Variants in FAM222B observed in about 807,000 individuals in gnomAD.
FAM222B encodes protein FAM222B.
A neutral mutation model predicts 38.0 loss-of-function variants in FAM222B; 12 were observed. The observed-to-expected ratio is 0.32, with a 90% CI of 0.20 to 0.51. The LOEUF is 0.51. Ranked by LOEUF, FAM222B falls within the 20% of genes least tolerant of loss-of-function variation. FAM222B has a pLI of 0.97. For synonymous variants in FAM222B, 329 were observed against 317.2 expected (o/e 1.04, Z -0.40); for missense variants, 716 against 754.2 (o/e 0.95, Z 0.59).
chr17:28,826,918 A>G (rs965766345), intron 1 of FAM222B, among the ~76,000 whole-genome samples: 2 of 152,120 alleles, frequency 1.3e-5, no homozygotes, highest in African/African-American at 4.8e-5. Flanking sequence ...AGGTGGGAAG[A>G]TCACTTGAGG....
chr17:28,825,375 G>T (rs528274819), intron 1 of FAM222B, among the ~76,000 whole-genome samples: 9 of 150,032 alleles, frequency 6.0e-5, no homozygotes, highest in African/African-American at 2.2e-4. Context: ...TGGAGGTTAC[G>T]GGGAACCAAG....
chr17:28,820,988 G>A (rs909792251), intron 1 of FAM222B, among the ~76,000 whole-genome samples: 2 of 140,698 alleles, frequency 1.4e-5, no homozygotes, highest in Admixed American at 7.6e-5. Flanking sequence ...ATGGACTCTC[G>A]CTCTGTTGCC....
rs570898630 is a variant in FAM222B at position 28,854,823 on chromosome 17, T to A, written c.-41+127A>T. ...TACGTTGTGTATGGGAGTCCAAAAC[T>A]ACCGTCATGCTTGCACAGACTCTAA... On this transcript the variant is annotated intron_variant, in intron 1 of 2. Coordinates refer to the FAM222B transcript ENST00000577513. 1.4e-3 allele frequency: 711 copies of A among 501,808 alleles called. 3 individuals carry two copies. The highest frequency in any genetic ancestry group is 2.1e-3 in the Non-Finnish European group (609 of 293,880). 31.1% of individuals were successfully genotyped at this position (501,808 alleles called of 1,614,324 possible). A position where few individuals can be genotyped will look rare whatever the true frequency, so the allele number is the denominator to read the frequency against.
chr17:28,767,318 G>C (rs956779558), intron 1 of FAM222B, among the ~76,000 whole-genome samples: 41 of 152,026 alleles, frequency 2.7e-4, no homozygotes, highest in Admixed American at 3.3e-4. Flanking sequence ...ACCACGCCTG[G>C]CTAATTTCTT....
intron 1 of FAM222B, among the ~76,000 whole-genome samples, chr17:28,780,312 C>T (rs1049102232): frequency 6.6e-6 from 1 of 151,902 alleles, no homozygotes; most frequent in Non-Finnish European, 1.5e-5. Flanking sequence ...ACATCTAAAT[C>T]GGAAAGGAAG....
chr17:28,854,664 G>A (rs2039212865), intron 1 of FAM222B, among the ~76,000 whole-genome samples: 1 of 152,136 alleles, frequency 6.6e-6, no homozygotes. Flanking sequence ...GCGGAACAGT[G>A]CCCCCTCCCA....
chr17:28,762,756 G>A (rs2035144963), intron 2 of FAM222B, among the ~76,000 whole-genome samples: 3 of 151,540 alleles, frequency 2.0e-5, no homozygotes, highest in African/African-American at 4.9e-5. Context: ...GGCCAAGATG[G>A]AGAAACCCCG....
At chr17:28,845,078 G>C (rs1191547128), upstream of FAM222B, among the ~76,000 whole-genome samples, 1 of 150,926 alleles carries the variant, frequency 6.6e-6, no homozygotes, top group African/African-American at 2.4e-5. Flanking sequence ...CTCCAGCCTG[G>C]ATAACAGAGT....
intron 1 of FAM222B, among the ~76,000 whole-genome samples, chr17:28,790,884 CTTTTTTTTTTTTT>C (rs60664262): frequency 0.081 from 7,001 of 86,224 alleles, 852 homozygotes; most frequent in South Asian, 0.25. Flanking sequence ...AATTGTTTCA[CTTTTTTTTTTTTT>C]TTTTTTTTTT....
At chr17:28,832,735 A>G (rs992100319) in intron 1 of FAM222B, among the ~76,000 whole-genome samples, 1 of 152,216 alleles carries the variant, frequency 6.6e-6, no homozygotes, top group Non-Finnish European at 1.5e-5. Flanking sequence ...CTCCTAGCAG[A>G]GACAGAGAAA....
At chr17:28,822,438 A>G (rs1056087370) in intron 1 of FAM222B, among the ~76,000 whole-genome samples, 2 of 149,346 alleles carry the variant, frequency 1.3e-5, no homozygotes, top group African/African-American at 4.9e-5. Flanking sequence ...AGCCTGGCCA[A>G]CATGGTGAAA....
Position 28,766,689 on chromosome 17 carries a change from C to T in FAM222B, c.-22G>A. ...GCATGGCAGATTGGCATCAACACAA[C>T]ATGGGGCAGTGGCTCACACTGTAAT... On this transcript the variant is annotated 5_prime_UTR_variant, in exon 2 of 3. The change abolishes an upstream ATG in the 5' untranslated region. Coordinates refer to ENST00000581407, the MANE Select transcript of FAM222B (RefSeq NM_001077498.3). The T allele has an allele frequency of 1.3e-6, 2 of 1,581,670 alleles. No individual in the cohort carries two copies. Among genetic ancestry groups the T allele is most frequent in the Non-Finnish European group, 1.7e-6 (2 of 1,160,434 alleles).
In FAM222B at chr17:28,759,121, C is replaced by A. The variant is rs746252037; in HGVS notation, c.838G>T (p.Ala280Ser). 3 of 1,611,622 alleles carry A rather than the reference C, an allele frequency of 1.9e-6. No homozygotes were observed. Among genetic ancestry groups the A allele is most frequent in the Non-Finnish European group, 2.5e-6 (3 of 1,178,966 alleles). The stretch of plus-strand genomic sequence containing the variant: ...CACACTGAGGTAGTGCTGATGCCTG[C>A]CCTCGTCTGGCAAAACTGGTTGATC... ...HQINQFCQTRAGISTTSVCEG... is the reference protein window; with the variant it reads ...HQINQFCQTRSGISTTSVCEG... Residue 280 changes from alanine to serine, a missense_variant, in exon 3 of 3, where the codon GCA (alanine) becomes TCA (serine). Transcript: ENST00000581407. The surrounding 1 kb of genome is among the most constrained non-coding windows in gnomAD (Gnocchi z 4.8).
intron 1 of FAM222B, among the ~76,000 whole-genome samples, chr17:28,800,112 A>T (rs1023680621): frequency 2.6e-5 from 4 of 151,316 alleles, no homozygotes; most frequent in Non-Finnish European, 5.9e-5. Context: ...GCTCACAGCA[A>T]CCTCCGCCTC....
chr17:28,850,810 T>C (rs377715480), intron 1 of FAM222B, among the ~76,000 whole-genome samples: 79 of 152,196 alleles, frequency 5.2e-4, no homozygotes, highest in African/African-American at 1.8e-3. Context: ...GTTCTTTCTA[T>C]AAAAATCAAA....
intron 1 of FAM222B, 86 bp from the exon 2 acceptor site, chr17:28,766,793 G>A (rs1205175007): frequency 2.7e-6 from 2 of 742,096 alleles, no homozygotes; most frequent in African/African-American, 3.5e-5. Flanking sequence ...CTGGCGTGAG[G>A]CCCAAGTTTA....
At chr17:28,828,938 T>C (rs1422778260) in intron 1 of FAM222B, among the ~76,000 whole-genome samples, 2 of 151,814 alleles carry the variant, frequency 1.3e-5, no homozygotes, top group Non-Finnish European at 2.9e-5. Context: ...GGAGTCTCGC[T>C]CTATCACCGG....
intron 1 of FAM222B, among the ~76,000 whole-genome samples, chr17:28,820,008 C>T (rs768928786): frequency 2.0e-5 from 3 of 152,154 alleles, no homozygotes; most frequent in Admixed American, 6.6e-5. Flanking sequence ...TGTGAAAGAA[C>T]TCAAATTCCA....
intron 1 of FAM222B, among the ~76,000 whole-genome samples, chr17:28,841,673 C>G (rs553221370): frequency 6.6e-6 from 1 of 152,214 alleles, no homozygotes; most frequent in Non-Finnish European, 1.5e-5. Flanking sequence ...TGCACCCGGC[C>G]TTTTCTCAAC....
Sources: gnomAD v4.1 joint callset for allele counts (sites outside exome capture counted in the v4.1 genomes callset) on GRCh38, gnomAD v4.1.1 for gene constraint, Gnocchi (gnomAD v3.1) non-coding constraint, MANE v1.5 for transcripts, NCBI Gene and HGNC (gene_info 2026-07-23, HGNC 2026-07-21) for gene names.